Variants in H2AZ2 observed in about 807,000 individuals in gnomAD.
The protein encoded by H2AZ2 is histone H2A.V.
In H2AZ2, 5 loss-of-function variants were observed where a neutral mutation model predicts 15.5. The observed-to-expected ratio is 0.32, with a 90% confidence interval of 0.17 to 0.68. H2AZ2 has a LOEUF of 0.68. H2AZ2 is among the 30% of genes least tolerant of loss of function. The pLI, the probability that H2AZ2 is intolerant of heterozygous loss-of-function variation, is 0.72. For synonymous variants in H2AZ2, 44 were observed against 57.4 expected, an observed-to-expected ratio of 0.77 and a Z score of 1.05; for missense variants, 42 against 162.5, an observed-to-expected ratio of 0.26 and a Z score of 4.03.
rs781185141 is a variant in H2AZ2 at position 44,834,491 on chromosome 7, A to C, written c.*10T>G. On this transcript the variant is annotated 3_prime_UTR_variant, in exon 5 of 5. Transcript: ENST00000308153. ...TGACGGGGAGGAAGAGGGTTGGTTAAAGCATCCCTCTAAGCAGTTTTCTGC... is the reference window on the plus strand; with the variant it reads ...TGACGGGGAGGAAGAGGGTTGGTTACAGCATCCCTCTAAGCAGTTTTCTGC... The C allele has an allele frequency of 6.2e-7, 1 of 1,608,710 alleles. No individual in the cohort carries two copies. The highest frequency in any genetic ancestry group is 8.5e-7 in the Non-Finnish European group (1 of 1,177,684).
chr7:44,830,074 T>A, downstream of H2AZ2: 1 of 1,479,636 alleles, frequency 6.8e-7, no homozygotes, highest in South Asian at 1.1e-5. Flanking sequence ...TCAGCACACA[T>A]CCCAGTAGAA....
At chr7:44,837,433 G>GAAAAAAAAAAAAAAAAAAAA (rs71011996) in intron 3 of H2AZ2, among the ~76,000 whole-genome samples, 1 of 87,292 alleles carries the variant, frequency 1.1e-5, no homozygotes, top group African/African-American at 4.3e-5. Context: ...AAAAAAAAAA[G>GAAAAAAAAAAAAAAAAAAAA]AAAAAAAAAA....
At chr7:44,841,846 G>C (rs1051081067) in intron 2 of H2AZ2, among the ~76,000 whole-genome samples, 1 of 152,044 alleles carries the variant, frequency 6.6e-6, no homozygotes, top group Admixed American at 6.6e-5. Context: ...CTTCCTTTCC[G>C]CTGGTTCCTT....
Position 44,834,277 on chromosome 7 carries a change from C to A in H2AZ2, c.*224G>T, listed in dbSNP as rs900092021. ...CAATTCCATTTTTGTATAAAACACA[C>A]GGGAGAAACCTAGCCAATCAACACA... On this transcript the variant is annotated 3_prime_UTR_variant, in exon 5 of 5. Coordinates refer to ENST00000308153, the MANE Select transcript of H2AZ2 (RefSeq NM_012412.5). 4 of 1,263,704 alleles carry A rather than the reference C, an allele frequency of 3.2e-6. No homozygotes were observed. Among genetic ancestry groups the A allele is most frequent in the Non-Finnish European group, 3.0e-6 (3 of 1,002,316 alleles). The allele number at this position is 1,263,704 out of a possible 1,614,324, so 78.3% of individuals were successfully genotyped here.
chr7:44,840,403 A>G lies in H2AZ2; in HGVS notation c.195+496T>C, dbSNP rs1372936403. ...TGCCCAGCCCCTTGCTTAGCTTTAA[A>G]AACAAGTACACCAAGGTTCTTTTAC... On this transcript the variant is annotated intron_variant, in intron 3 of 4. Coordinates refer to ENST00000308153, the MANE Select transcript of H2AZ2 (RefSeq NM_012412.5). Among the ~76,000 whole-genome samples the G allele has an allele frequency of 2.6e-5, 4 of 152,290 alleles. No homozygotes were observed. In the East Asian group the frequency reaches 7.7e-4, roughly 29 times the overall value.
In H2AZ2 at chr7:44,834,479, G is replaced by A. The variant is rs915007676; in HGVS notation, c.*22C>T. The A allele has an allele frequency of 6.2e-7, 1 of 1,604,880 alleles. No individual in the cohort carries two copies. The highest frequency in any genetic ancestry group is 1.3e-5 in the African/African-American group (1 of 74,768). On this transcript the variant is annotated 3_prime_UTR_variant, in exon 5 of 5. Transcript: ENST00000308153. ...GTTACAGTACAATGACGGGGAGGAA[G>A]AGGGTTGGTTAAAGCATCCCTCTAA...
intron 3 of H2AZ2, among the ~76,000 whole-genome samples, chr7:44,837,685 G>T (rs1230883062): frequency 6.6e-6 from 1 of 151,720 alleles, no homozygotes; most frequent in African/African-American, 2.4e-5. Flanking sequence ...TAGAGACAGG[G>T]TTTTGCCATG....
At chr7:44,844,059 C>CG (rs1793341650) in intron 1 of H2AZ2, among the ~76,000 whole-genome samples, 2 of 134,462 alleles carry the variant, frequency 1.5e-5, no homozygotes, top group Non-Finnish European at 3.3e-5. Flanking sequence ...AAAAAAAAAC[C>CG]TCAAAAAATT....
chr7:44,827,991 G>A (rs2117015689), downstream of H2AZ2: 2 of 152,260 alleles, frequency 1.3e-5, no homozygotes, highest in Middle Eastern at 3.4e-3. Context: ...TTACAGCTAG[G>A]AGACAAGATG....
chr7:44,834,432 C>G lies in H2AZ2; in HGVS notation c.*69G>C. ...AACTGTTGTTAAAAATTCCACATATCCCCATTATTTCTTCTGTCCCAGTTA... is the reference window on the plus strand; with the variant it reads ...AACTGTTGTTAAAAATTCCACATATGCCCATTATTTCTTCTGTCCCAGTTA... On this transcript the variant is annotated 3_prime_UTR_variant, in exon 5 of 5. Coordinates refer to ENST00000308153, the MANE Select transcript of H2AZ2 (RefSeq NM_012412.5). The G allele has an allele frequency of 1.9e-6, 3 of 1,545,056 alleles. No individual in the cohort carries two copies.
At chr7:44,843,117 G>A (rs1451981356) in intron 2 of H2AZ2, among the ~76,000 whole-genome samples, 160 bp downstream of exon 2, 2 of 100,226 alleles carry the variant, frequency 2.0e-5, no homozygotes, top group Non-Finnish European at 3.6e-5. Context: ...CCAGCCTGAC[G>A]ACAGAGTGAG....
rs1167928330 is a variant in H2AZ2, at chr7:44,836,073, G to A, written c.196-415C>T. 2.0e-5 allele frequency among the ~76,000 whole-genome samples: 3 copies of A among 146,990 alleles called. No individual in the cohort carries two copies. The East Asian group carries it at 6.1e-4, about 30-fold the overall frequency. On this transcript the variant is annotated intron_variant, in intron 3 of 4. Transcript: ENST00000308153. ...CTCCCAAGTGCAGGGTTATTCTCCT[G>A]CCCTAGCGTCCTGAGCTGCTGTGAC...
intron 1 of H2AZ2, among the ~76,000 whole-genome samples, chr7:44,846,784 A>C (rs2117049766): frequency 6.6e-6 from 1 of 152,226 alleles, no homozygotes; most frequent in South Asian, 2.1e-4. Context: ...AATAACAATA[A>C]ACTATACGTG....
chr7:44,827,309 A>T (rs1452485472), downstream of H2AZ2: 1 of 152,268 alleles, frequency 6.6e-6, no homozygotes, highest in Non-Finnish European at 1.5e-5. Flanking sequence ...TCAACATGTT[A>T]CATGGTATTC....
Position 44,834,434 on chromosome 7 carries a change from C to G in H2AZ2, c.*67G>C. ...CTGTTGTTAAAAATTCCACATATCC[C>G]CATTATTTCTTCTGTCCCAGTTACA... is the stretch of plus-strand genomic sequence containing the variant. On this transcript the variant is annotated 3_prime_UTR_variant, in exon 5 of 5. Transcript: ENST00000308153. 1 of 1,547,804 alleles carries G rather than the reference C, an allele frequency of 6.5e-7. No individual in the cohort carries two copies. Among genetic ancestry groups the G allele is most frequent in the Non-Finnish European group, 8.8e-7 (1 of 1,141,554 alleles).
intron 3 of H2AZ2, among the ~76,000 whole-genome samples, chr7:44,839,402 C>T (rs528854021): frequency 5.3e-5 from 8 of 152,012 alleles, no homozygotes; most frequent in Middle Eastern, 3.4e-3. Context: ...ATAGGCTGGG[C>T]GCGGTGGCTC....
chr7:44,839,759 T>C (rs1793226873), intron 3 of H2AZ2, among the ~76,000 whole-genome samples: 1 of 151,908 alleles, frequency 6.6e-6, no homozygotes, highest in Non-Finnish European at 1.5e-5. Context: ...TCCCAGCACT[T>C]TGGGAGGCTG....
intron 1 of H2AZ2, among the ~76,000 whole-genome samples, chr7:44,847,550 T>C (rs1251477412): frequency 6.6e-6 from 1 of 152,128 alleles, no homozygotes; most frequent in African/African-American, 2.4e-5. Flanking sequence ...GCCAGGGAGA[T>C]TACGTAACCA....
intron 3 of H2AZ2, among the ~76,000 whole-genome samples, chr7:44,840,375 CTG>C (rs1450430887): frequency 6.6e-6 from 1 of 152,202 alleles, no homozygotes; most frequent in Non-Finnish European, 1.5e-5. Context: ...GCGTGAATCA[CTG>C]TGCCCAGCCC....
Sources: allele counts gnomAD v4.1 joint callset (sites outside exome capture counted in the v4.1 genomes callset), GRCh38; gene constraint gnomAD v4.1.1; transcripts MANE v1.5; gene names NCBI Gene and HGNC (gene_info 2026-07-23, HGNC 2026-07-21).